LHFPL6: variants seen among roughly 807,000 people sequenced by gnomAD.
LHFPL6 encodes LHFPL tetraspan subfamily member 6 protein.
Under a neutral mutation model 20.6 loss-of-function variants are expected in LHFPL6, and 9 were observed. The observed-to-expected ratio is 0.44, with a 90% confidence interval of 0.26 to 0.76. LHFPL6 has a LOEUF of 0.76. Among genes scored for constraint, LHFPL6 ranks in the 30% least tolerant of loss-of-function variants. The pLI is 0.20. For missense variants in LHFPL6, 218 were observed against 253.5 expected (o/e 0.86, Z 0.95); for synonymous variants, 105 against 98.7 (o/e 1.06, Z -0.38).
intron 2 of LHFPL6, among the ~76,000 whole-genome samples, chr13:39,412,966 C>G (rs1371957574): frequency 1.3e-5 from 2 of 152,010 alleles, no homozygotes; most frequent in Non-Finnish European, 2.9e-5. Context: ...GCAAGGGAAC[C>G]TGAACCCATG....
At chr13:39,532,975 T>C (rs1870510628) in intron 2 of LHFPL6, among the ~76,000 whole-genome samples, 1 of 152,208 alleles carries the variant, frequency 6.6e-6, no homozygotes, top group East Asian at 1.9e-4. Flanking sequence ...TTCCCATTAA[T>C]ATATGTTTTC....
At chr13:39,347,124 A>C (rs550056449) in intron 3 of LHFPL6, among the ~76,000 whole-genome samples, 1 of 151,930 alleles carries the variant, frequency 6.6e-6, no homozygotes, top group East Asian at 1.9e-4. Flanking sequence ...GAATTCTCAA[A>C]AATCAATGTC....
chr13:39,507,125 C>A (rs893744486), intron 2 of LHFPL6, among the ~76,000 whole-genome samples: 1 of 152,180 alleles, frequency 6.6e-6, no homozygotes, highest in Admixed American at 6.5e-5. Flanking sequence ...GCAAGGTATG[C>A]CTTTTGTTTA....
chr13:39,482,797 T>C (rs958518469), intron 2 of LHFPL6, among the ~76,000 whole-genome samples: 4 of 151,898 alleles, frequency 2.6e-5, no homozygotes, highest in Admixed American at 6.6e-5. Flanking sequence ...AAAGCAAGAA[T>C]AGTTGGAAGG....
chr13:39,574,275 G>A (rs993232983), intron 2 of LHFPL6, among the ~76,000 whole-genome samples: 2 of 152,104 alleles, frequency 1.3e-5, no homozygotes, highest in Non-Finnish European at 2.9e-5. Context: ...AAGGTCAGGA[G>A]AACAAGATCA....
intron 2 of LHFPL6, among the ~76,000 whole-genome samples, chr13:39,559,820 T>C (rs1416041752): frequency 1.3e-5 from 2 of 152,254 alleles, no homozygotes; most frequent in Non-Finnish European, 2.9e-5. Context: ...ATTAATAATG[T>C]GTTTTATTGA....
chr13:39,352,881 ATG>A lies in LHFPL6; in HGVS notation c.485-8829_485-8828del, dbSNP rs1869611853. On this transcript the variant is annotated intron_variant, in intron 3 of 3. Transcript: ENST00000379589. Reference sequence around the variant, plus strand: ...TATATATGTGTATATATATATATAAATGTATATATATGTGTATATATATATAA... The same window carrying A: ...TATATATGTGTATATATATATATAAATATATATATGTGTATATATATATAA... 2.1e-4 allele frequency among the ~76,000 whole-genome samples: 13 copies of A among 61,172 alleles called. 1 individual carries two copies. The highest frequency in any genetic ancestry group is 7.1e-4 in the South Asian group (1 of 1,416). 40.1% of individuals were successfully genotyped at this position (61,172 alleles called of 152,430 possible).
intron 2 of LHFPL6, among the ~76,000 whole-genome samples, chr13:39,486,655 C>G (rs770294970): frequency 1.3e-5 from 2 of 152,288 alleles, no homozygotes; most frequent in South Asian, 4.1e-4. Flanking sequence ...GTAGAAGAGG[C>G]ATTGCAACCT....
Position 39,492,170 on chromosome 13 carries a change from G to A in LHFPL6, c.385+108662C>T, listed in dbSNP as rs575431807. 5.3e-5 allele frequency among the ~76,000 whole-genome samples: 8 copies of A among 152,254 alleles called. No homozygotes were observed. The South Asian group carries it at 1.7e-3, about 32-fold the overall frequency. On this transcript the variant is annotated intron_variant, in intron 2 of 3. Coordinates refer to ENST00000379589, the MANE Select transcript of LHFPL6 (RefSeq NM_005780.3). ...GAGTACATTGTGAATATGAAGTCTAGAACTCACCATTAAAGAATTACTGAT... is the reference window on the plus strand; with the variant it reads ...GAGTACATTGTGAATATGAAGTCTAAAACTCACCATTAAAGAATTACTGAT...
chr13:39,343,895 T>C lies in LHFPL6; in HGVS notation c.*41A>G, dbSNP rs200586803. The C allele has an allele frequency of 1.7e-5, 26 of 1,525,730 alleles. No homozygotes were observed. Among genetic ancestry groups the C allele is most frequent in the South Asian group, 1.1e-5 (1 of 88,712 alleles). 94.5% of individuals were successfully genotyped at this position (1,525,730 alleles called of 1,614,324 possible). ...GATGTTTTGACCTCTCCAAGCCCCT[T>C]TGGCCCATCTTCTCCTCTGTCTGCT... On this transcript the variant is annotated 3_prime_UTR_variant, in exon 4 of 4. Coordinates refer to ENST00000379589, the MANE Select transcript of LHFPL6 (RefSeq NM_005780.3).
chr13:39,367,863 A>G lies in LHFPL6; in HGVS notation c.484+10565T>C, dbSNP rs77542325. On this transcript the variant is annotated intron_variant, in intron 3 of 3. Coordinates refer to ENST00000379589, the MANE Select transcript of LHFPL6 (RefSeq NM_005780.3). ...TCTGAAGATCAAAGGTTACCATAAC[A>G]TTTAACTCTTCTACCAGTGTCATCA... 7.1e-3 allele frequency among the ~76,000 whole-genome samples: 1,078 copies of G among 152,336 alleles called. 11 individuals carry two copies. Among genetic ancestry groups the G allele is most frequent in the African/African-American group, 0.025 (1,026 of 41,564 alleles).
At chr13:39,356,026 C>A (rs186110031) in intron 3 of LHFPL6, among the ~76,000 whole-genome samples, 12 of 152,306 alleles carry the variant, frequency 7.9e-5, no homozygotes, top group Admixed American at 2.6e-4. Flanking sequence ...CTCAACATGA[C>A]CAATTTGACC....
rs1398123462 is a variant in LHFPL6 at position 39,360,791 on chromosome 13, C to T, written c.485-16737G>A. ...AAAAAACCTTTCTGAATTACAAATG[C>T]ATTCTTTTATATTCAATGGTATAAG... On this transcript the variant is annotated intron_variant, in intron 3 of 3. Coordinates refer to ENST00000379589, the MANE Select transcript of LHFPL6 (RefSeq NM_005780.3). Among the ~76,000 whole-genome samples the T allele has an allele frequency of 8.5e-5, 8 of 93,990 alleles. 3 individuals carry two copies. Among genetic ancestry groups the T allele is most frequent in the African/African-American group, 2.2e-4 (7 of 32,196 alleles). 61.7% of individuals were successfully genotyped at this position (93,990 alleles called of 152,430 possible). A position where few individuals can be genotyped will look rare whatever the true frequency, so the allele number is the denominator to read the frequency against.
chr13:39,517,674 C>A (rs752025513), intron 2 of LHFPL6, among the ~76,000 whole-genome samples: 2 of 152,046 alleles, frequency 1.3e-5, no homozygotes, highest in Non-Finnish European at 2.9e-5. Flanking sequence ...CCATGTACAC[C>A]TTTTGTCCTG....
chr13:39,369,586 C>CCTTCCTTCCTTCCTTCCTTCCTTCCTTT, intron 3 of LHFPL6, among the ~76,000 whole-genome samples: 1 of 146,338 alleles, frequency 6.8e-6, no homozygotes, highest in South Asian at 2.3e-4. Flanking sequence ...TTCCTTCCTT[C>CCTTCCTTCCTTCCTTCCTTCCTTCCTTT]CTTCCTTCCT....
At chr13:39,572,407 A>C (rs905619712) in intron 2 of LHFPL6, among the ~76,000 whole-genome samples, 1 of 152,050 alleles carries the variant, frequency 6.6e-6, no homozygotes, top group African/African-American at 2.4e-5. Flanking sequence ...GCCCAGACAT[A>C]GATCTTCTAT....
intron 2 of LHFPL6, among the ~76,000 whole-genome samples, chr13:39,454,723 T>C (rs1260323323): frequency 6.6e-6 from 1 of 151,962 alleles, no homozygotes; most frequent in Non-Finnish European, 1.5e-5. Context: ...CTTTTGGTAA[T>C]TCCATTTTAG....
At chr13:39,471,435 C>T (rs111664767) in intron 2 of LHFPL6, among the ~76,000 whole-genome samples, 9 of 152,276 alleles carry the variant, frequency 5.9e-5, no homozygotes, top group African/African-American at 1.9e-4. Context: ...TAAGCGGAGG[C>T]CAAGTGAGAG....
intron 2 of LHFPL6, among the ~76,000 whole-genome samples, chr13:39,479,080 T>C (rs138342384): frequency 0.014 from 2,078 of 147,330 alleles, 45 homozygotes; most frequent in African/African-American, 0.049. Flanking sequence ...GATAGATAGA[T>C]AGACAGACAT....
Sources: gnomAD v4.1 joint callset for allele counts (sites outside exome capture counted in the v4.1 genomes callset) on GRCh38, gnomAD v4.1.1 for gene constraint, MANE v1.5 for transcripts, NCBI Gene and HGNC (gene_info 2026-07-23, HGNC 2026-07-21) for gene names.